TTN: variants seen among roughly 807,000 people sequenced by gnomAD.
The protein encoded by TTN is connectin.
Under a neutral mutation model 3,223.0 loss-of-function variants are expected in TTN, and 1,525 were observed. That is an observed-to-expected ratio of 0.47 (90% CI 0.45 to 0.49). The LOEUF (loss-of-function observed/expected upper bound fraction) is 0.49. Ranked by LOEUF, TTN falls within the 20% of genes least tolerant of loss-of-function variation. The pLI is 0.00. For synonymous variants in TTN, 14,094 were observed against 15,161.0 expected, an observed-to-expected ratio of 0.93 and a Z score of 5.17; for missense variants, 40,786 against 43,424.0, an observed-to-expected ratio of 0.94 and a Z score of 5.40.
Position 178,558,526 on chromosome 2 carries a change from A to G in TTN, c.86933T>C (p.Val28978Ala). The G allele has an allele frequency of 5.6e-6, 9 of 1,613,796 alleles. No individual in the cohort carries two copies. The highest frequency in any genetic ancestry group is 7.6e-6 in the Non-Finnish European group (9 of 1,179,800). The change falls in exon 327 of 363, where the codon GTC (valine) becomes GCC (alanine). Residue 28978 changes from valine to alanine, a missense_variant. Physicochemically the swap from Val to Ala is moderately conservative, Grantham distance 64 (BLOSUM62 0). Transcript: ENST00000589042. Reference sequence around the variant, plus strand: ...CTGTCCTTTTTCTAGTGCTTCAACGACATAGTGTACAATTCTGCTTCCGCC... The same window carrying G: ...CTGTCCTTTTTCTAGTGCTTCAACGGCATAGTGTACAATTCTGCTTCCGCC... ...HDGGSRIVHY[V>A]VEALEKGQKN...
intron 110 of TTN, among the ~76,000 whole-genome samples, 161 bp from the exon 111 acceptor site, chr2:178,701,364 C>CG (rs755911199): frequency 4.3e-4 from 63 of 147,762 alleles, no homozygotes; most frequent in African/African-American, 1.5e-3. Flanking sequence ...ACTGGAACTA[C>CG]TTTTTTTTTT....
chr2:178,582,165 G>T lies in TTN; in HGVS notation c.66204C>A (p.Thr22068=), dbSNP rs1470155716. The T allele has an allele frequency of 6.2e-7, 1 of 1,612,640 alleles. No individual in the cohort carries two copies. Among genetic ancestry groups the T allele is most frequent in the South Asian group, 1.1e-5 (1 of 91,022 alleles). Residue 22068 remains threonine (T), a synonymous_variant, in exon 315 of 363, where the codon ACC becomes ACA. Coordinates refer to ENST00000589042, the MANE Select transcript of TTN (RefSeq NM_001267550.2). ...TCCAGCTGACTGTCATGTGATCTTT[G>T]GTTATGTTGCTAATAACAGGAGGAT... ...RCDPPVISNI[T]KDHMTVSWKP...
At chr2:178,724,599 C>T in intron 71 of TTN, 61 bp from the exon 72 acceptor site, 1 of 1,479,334 alleles carries the variant, frequency 6.8e-7, no homozygotes, top group Non-Finnish European at 9.0e-7. Flanking sequence ...TCTCTACTAT[C>T]ACATTCACTA....
chr2:178,675,014 G>A (rs753552712), intron 150 of TTN, 25 bp downstream of exon 150: 1 of 1,411,958 alleles, frequency 7.1e-7, no homozygotes. Flanking sequence ...ACTTTGAAAT[G>A]TTATTTTCTT....
Position 178,565,807 on chromosome 2 carries a change from C to T in TTN, c.80325G>A (p.Val26775=). 1 of 1,613,614 alleles carries T rather than the reference C, an allele frequency of 6.2e-7. No individual in the cohort carries two copies. The highest frequency in any genetic ancestry group is 1.7e-4 in the Middle Eastern group (1 of 6,056). The change falls in exon 326 of 363, where the codon GTG becomes GTA. Residue 26775 remains valine, a synonymous_variant. Coordinates refer to ENST00000589042, the MANE Select transcript of TTN (RefSeq NM_001267550.2). ...VGVPVETVDA[V]KAAEPPSPPG... ...GTGGGGAAGGAGGTTCAGCAGCTTT[C>T]ACGGCATCAACAGTTTCCACTGGAA... is the stretch of plus-strand genomic sequence containing the variant.
At chr2:178,541,680 T>G in intron 349 of TTN, 96 bp from the exon 350 acceptor site, 1 of 1,167,914 alleles carries the variant, frequency 8.6e-7, no homozygotes, top group Non-Finnish European at 1.2e-6. Flanking sequence ...GGTTGGTATT[T>G]TAAAAGGTAC....
rs1447481220 is a variant in TTN at position 178,575,193 on chromosome 2, C to T, written c.70939G>A (p.Ala23647Thr). Residue 23647 changes from alanine to threonine, a missense_variant, in exon 326 of 363, where the codon GCT becomes ACT. Physicochemically the swap from Ala to Thr is moderately conservative, Grantham distance 58. Transcript: ENST00000589042. This position sits in a 1 kb window ranked among gnomAD's most constrained non-coding sequence, Gnocchi z 4.0. The stretch of plus-strand genomic sequence containing the variant: ...ATTTCAACTTTGATGTTGTCACCAG[C>T]TTTGGCAATGACCAGTTTCTGATAG... ...GIYQKLVIAK[A>T]GDNIKVEIPV... 3 of 1,612,774 alleles carry T rather than the reference C, an allele frequency of 1.9e-6. No individual in the cohort carries two copies. The highest frequency in any genetic ancestry group is 1.3e-5 in the African/African-American group (1 of 75,024).
rs893186334 is a variant in TTN at position 178,768,218 on chromosome 2, A to G, written c.9164-63T>C. ...AGCTTTATTGAGATATAATTCACAT[A>G]CTGTACAATCCACCAATTTAAAGTA... On this transcript the variant is annotated intron_variant, in intron 38 of 362. Transcript: ENST00000589042. 6 of 1,549,182 alleles carry G rather than the reference A, an allele frequency of 3.9e-6. No homozygotes were observed. In the South Asian group the frequency reaches 6.8e-5, roughly 18 times the overall value.
chr2:178,667,603 A>T (rs1262331522), intron 160 of TTN, 35 bp downstream of exon 160: 2 of 1,580,638 alleles, frequency 1.3e-6, no homozygotes, highest in South Asian at 2.3e-5. Flanking sequence ...CCAAAAAATA[A>T]TTTTTCTTCA....
At chr2:178,578,301 T>C (rs548243699) in intron 321 of TTN, 116 bp from the exon 322 acceptor site, 301 of 962,016 alleles carry the variant, frequency 3.1e-4, no homozygotes, top group Non-Finnish European at 4.2e-4. Flanking sequence ...TCATTCTTGC[T>C]AGTATCTATA....
chr2:178,775,234 A>G (rs2092085368), intron 28 of TTN, 32 bp from the exon 29 acceptor site: 3 of 1,613,184 alleles, frequency 1.9e-6, no homozygotes, highest in Middle Eastern at 1.6e-4. Context: ...AAAAGGGGAG[A>G]GCACATTATA....
At position 178,723,569 on chromosome 2, in the gene TTN, T is replaced by C; in HGVS notation, c.21531A>G (p.Leu7177=). The C allele has an allele frequency of 3.7e-6, 6 of 1,613,448 alleles. No homozygotes were observed. The South Asian group carries it at 5.5e-5, about 15-fold the overall frequency. Residue 7177 remains leucine (L), a synonymous_variant, in exon 74 of 363, where the codon CTA becomes CTG. Coordinates refer to ENST00000589042, the MANE Select transcript of TTN (RefSeq NM_001267550.2). ...AGATGTTGCACCGGTCTCCTTTCAC[T>C]AGTTCTCTGGCACCTCTGAACCAGT... ...KVNWFRGARE[L]VKGDRCNIYF... is the part of the protein sequence containing the mutation.
In TTN at chr2:178,561,446, A is replaced by G; in HGVS notation, c.84686T>C (p.Val28229Ala). 6.2e-7 allele frequency: 1 copy of G among 1,613,824 alleles called. No individual in the cohort carries two copies. Among genetic ancestry groups the G allele is most frequent in the South Asian group, 1.1e-5 (1 of 91,084 alleles). ...AATTCCAGCAATATTTTCAGCATAT[A>G]CACGATACTCATACATCAGTCCTTC... is the stretch of plus-strand genomic sequence containing the variant. ...LDEGLMYEYR[V>A]YAENIAGIGK... The change falls in exon 326 of 363, where the codon GTA becomes GCA. Residue 28229 changes from valine (V) to alanine (A), a missense_variant. Physicochemically the swap from Val to Ala is moderately conservative, Grantham distance 64 (BLOSUM62 0). Transcript: ENST00000589042.
At chr2:178,747,348 T>G in intron 47 of TTN, 2 of 1,613,286 alleles carry the variant, frequency 1.2e-6, no homozygotes, top group Non-Finnish European at 1.7e-6. Context: ...CCTGAATGTA[T>G]TGAGGATTGT....
intron 341 of TTN, 23 bp downstream of exon 341, chr2:178,546,577 G>C (rs778834671): frequency 6.3e-7 from 1 of 1,597,258 alleles, no homozygotes; most frequent in South Asian, 1.1e-5. Flanking sequence ...ATTTTAAAAA[G>C]GAGAATGTTG....
intron 25 of TTN, 58 bp downstream of exon 25, chr2:178,777,646 A>G (rs2092371758): frequency 1.9e-6 from 3 of 1,613,592 alleles, no homozygotes; most frequent in Non-Finnish European, 2.5e-6. Flanking sequence ...TGTTAGATGC[A>G]TACATAAGCT....
chr2:178,646,104 T>TTATATA (rs71023450), intron 216 of TTN, 74 bp from the exon 217 acceptor site: 1,657 of 37,734 alleles, frequency 0.044, 259 homozygotes, highest in Non-Finnish European at 0.054. Flanking sequence ...TTAATAGAAA[T>TTATATA]TATATATATA....
At chr2:178,698,137 G>A (rs557409677) in intron 112 of TTN, among the ~76,000 whole-genome samples, 1 of 152,256 alleles carries the variant, frequency 6.6e-6, no homozygotes, top group South Asian at 2.1e-4. Context: ...AATAAGCCAG[G>A]CACAGAAAGA....
At position 178,712,764 on chromosome 2, in the gene TTN, T is replaced by A; in HGVS notation, c.27261A>T (p.Gly9087=). The change falls in exon 94 of 363, where the codon GGA becomes GGT. Residue 9087 remains glycine, a synonymous_variant. Transcript: ENST00000589042. Reference sequence around the variant, plus strand: ...CATTGCTAACTATGCAAGTATATTCTCCACTTTGTGATGTATCTACATCGA... The same window carrying A: ...CATTGCTAACTATGCAAGTATATTCACCACTTTGTGATGTATCTACATCGA... The part of the protein sequence containing the change: ...ELFDVDTSQS[G]EYTCIVSNEA... 1 of 1,613,828 alleles carries A rather than the reference T, an allele frequency of 6.2e-7. No individual in the cohort carries two copies. Among genetic ancestry groups the A allele is most frequent in the Non-Finnish European group, 8.5e-7 (1 of 1,179,780 alleles).
Sources: gnomAD v4.1 joint callset for allele counts (sites outside exome capture counted in the v4.1 genomes callset) on GRCh38, gnomAD v4.1.1 for gene constraint, Gnocchi (gnomAD v3.1) non-coding constraint, MANE v1.5 for transcripts, NCBI Gene and HGNC (gene_info 2026-07-23, HGNC 2026-07-21) for gene names.